Variants in TSC2 observed in about 807,000 individuals in gnomAD.
The protein encoded by TSC2 is TSC complex subunit 2.
TSC2 carries 29 observed loss-of-function variants against 202.2 expected under a neutral mutation model. The ratio of observed to expected loss-of-function variants is 0.14; its 90% CI spans 0.11 to 0.20. The LOEUF (loss-of-function observed/expected upper bound fraction) is 0.20, where lower values mean the gene tolerates loss of function less well. Ranked by LOEUF, TSC2 falls within the 10% of genes least tolerant of loss-of-function variation. The pLI is 1.00. For synonymous variants in TSC2, 1,349 were observed against 1,044.0 expected, an observed-to-expected ratio of 1.29 and a Z score of -5.63; for missense variants, 2,429 against 2,420.0, an observed-to-expected ratio of 1.00 and a Z score of -0.08.
rs397515261 is a variant in TSC2, at chr16:2,062,994, C to T, written c.1384C>T (p.Arg462Cys). 11 of 1,551,200 alleles carry T rather than the reference C, an allele frequency of 7.1e-6. No individual in the cohort carries two copies. The highest frequency in any genetic ancestry group is 1.7e-4 in the Middle Eastern group (1 of 5,890). Residue 462 changes from arginine (R) to cysteine (C), a missense_variant, in exon 14 of 42, where the codon CGC (arginine) becomes TGC (cysteine). Coordinates refer to ENST00000219476, the MANE Select transcript of TSC2 (RefSeq NM_000548.5). ...FFRSESRGAV[R>C]IKVLDVLSFV... Reference sequence around the variant, plus strand: ...CAGGAGCGAGTCCCGAGGCGCCGTGCGCATCAAGGTGCTGGACGTGCTGTC... The same window carrying T: ...CAGGAGCGAGTCCCGAGGCGCCGTGTGCATCAAGGTGCTGGACGTGCTGTC...
At position 2,077,847 on chromosome 16, in the gene TSC2, C is replaced by G. The variant is rs74002771; in HGVS notation, c.2966+121C>G. ...TCTGCCCGTGTCCTCCCTGGCCAGC[C>G]CAGGGGGAGCCGGTGACGAGGGGTG... is the stretch of plus-strand genomic sequence containing the variant. On this transcript the variant is annotated intron_variant, in intron 26 of 41. Coordinates refer to ENST00000219476, the MANE Select transcript of TSC2 (RefSeq NM_000548.5). 0.01 allele frequency: 15,712 copies of G among 1,528,420 alleles called. 1,361 individuals carry two copies. The African/African-American group carries it at 0.18, about 18-fold the overall frequency. The allele number at this position is 1,528,420 out of a possible 1,614,324, so 94.7% of individuals were successfully genotyped here.
At position 2,074,196 on chromosome 16, in the gene TSC2, G is replaced by A. The variant is rs201156748; in HGVS notation, c.2356-4G>A. On this transcript the variant is annotated splice_region_variant and splice_polypyrimidine_tract_variant and intron_variant, in intron 21 of 41. Transcript: ENST00000219476. Reference sequence around the variant, plus strand: ...TGGGGCCTGAGGTGTCCTGTCTCCTGCAGCGCGAGATGGTCTACTGCCTGG... The same window carrying A: ...TGGGGCCTGAGGTGTCCTGTCTCCTACAGCGCGAGATGGTCTACTGCCTGG... The A allele has an allele frequency of 4.3e-6, 7 of 1,610,718 alleles. No homozygotes were observed. Among genetic ancestry groups the A allele is most frequent in the Non-Finnish European group, 5.9e-6 (7 of 1,179,894 alleles).
intron 7 of TSC2, 65 bp downstream of exon 7, chr16:2,056,309 G>T: frequency 6.2e-7 from 1 of 1,604,234 alleles, no homozygotes. Context: ...TGGGGCTTGG[G>T]GGTTGAGCCC....
intron 17 of TSC2, 99 bp from the exon 18 acceptor site, chr16:2,071,411 G>C: frequency 8.0e-7 from 1 of 1,255,356 alleles, no homozygotes; most frequent in Non-Finnish European, 1.1e-6. Context: ...CCTTTTCTGA[G>C]TGCCTGTGGT....
chr16:2,050,607 T>C (rs888259554), intron 3 of TSC2, 121 bp downstream of exon 3: 8 of 817,206 alleles, frequency 9.8e-6, no homozygotes, highest in Middle Eastern at 2.3e-4. Flanking sequence ...ACTTTTTTTT[T>C]TTTTTTTTTT....
intron 2 of TSC2, among the ~76,000 whole-genome samples, chr16:2,049,755 C>T (rs2084861984): frequency 6.6e-6 from 1 of 151,256 alleles, no homozygotes; most frequent in East Asian, 2.0e-4. Flanking sequence ...ACCCGGGAGG[C>T]GGAGGTTTCA....
At position 2,071,544 on chromosome 16, in the gene TSC2, C is replaced by T. The variant is rs368285556; in HGVS notation, c.1874C>T (p.Ser625Leu). ...TTCCTGTTGCTGCTGCGGGCCGACT[C>T]ACTGCACCGCCTGGGCCTGCCCAAC... ...FDFLLLLRAD[S>L]LHRLGLPNKD... Residue 625 changes from serine (S) to leucine (L), a missense_variant, in exon 18 of 42, where the codon TCA becomes TTA. Coordinates refer to ENST00000219476, the MANE Select transcript of TSC2 (RefSeq NM_000548.5). The T allele has an allele frequency of 8.1e-6, 13 of 1,613,596 alleles. No individual in the cohort carries two copies. In the African/African-American group the frequency reaches 1.6e-4, roughly 20 times the overall value.
In TSC2 at chr16:2,089,224, G is replaced by A. The variant is rs1191477301; in HGVS notation, c.*614G>A. The A allele has an allele frequency of 1.2e-5, 2 of 172,770 alleles. No individual in the cohort carries two copies. Among genetic ancestry groups the A allele is most frequent in the Non-Finnish European group, 2.5e-5 (2 of 80,578 alleles). The allele number at this position is 172,770 out of a possible 1,614,324, so 10.7% of individuals were successfully genotyped here. The stretch of plus-strand genomic sequence containing the variant: ...GCCAGCTCTGGGCGCAGGCCCCTCA[G>A]CCCTAGTGAAAATAGTGACATACAA... On this transcript the variant is annotated 3_prime_UTR_variant, in exon 42 of 42. Transcript: ENST00000219476.
In TSC2 at chr16:2,049,637, C is replaced by T. The variant is rs1239707222; in HGVS notation, c.139-763C>T. ...GTCAGGAGTTTGAGACCAGCCTGGCCAACATGGCGAAACCCCGTCTCTACT... is the reference window on the plus strand; with the variant it reads ...GTCAGGAGTTTGAGACCAGCCTGGCTAACATGGCGAAACCCCGTCTCTACT... On this transcript the variant is annotated intron_variant, in intron 2 of 41. Coordinates refer to ENST00000219476, the MANE Select transcript of TSC2 (RefSeq NM_000548.5). 6.6e-5 allele frequency among the ~76,000 whole-genome samples: 10 copies of T among 151,722 alleles called. No individual in the cohort carries two copies. In the East Asian group the frequency reaches 2.0e-3, roughly 31 times the overall value.
In TSC2 at chr16:2,070,495, G is replaced by C. The variant is rs779425782; in HGVS notation, c.1756G>C (p.Val586Leu). The C allele has an allele frequency of 1.2e-6, 2 of 1,613,436 alleles. No homozygotes were observed. Among genetic ancestry groups the C allele is most frequent in the Admixed American group, 3.3e-5 (2 of 60,028 alleles). ...YTLPASHATR[V>L]YEMLVSHIQL... ...CCTGCCTGCAAGCCACGCCACGCGTGTGTATGAGATGCTGGTCAGCCACAT... is the reference window on the plus strand; with the variant it reads ...CCTGCCTGCAAGCCACGCCACGCGTCTGTATGAGATGCTGGTCAGCCACAT... Residue 586 changes from valine to leucine, a missense_variant, in exon 17 of 42, where the codon GTG (valine) becomes CTG (leucine). Physicochemically the swap from Val to Leu is conservative, Grantham distance 32. Transcript: ENST00000219476.
intron 32 of TSC2, 26 bp from the exon 33 acceptor site, chr16:2,083,669 C>T (rs368168472): frequency 7.2e-5 from 113 of 1,564,798 alleles, no homozygotes; most frequent in Non-Finnish European, 9.3e-5. Context: ...GCCCCACATC[C>T]AGCAGCCCCG....
At chr16:2,053,873 C>G (rs187262605) in intron 4 of TSC2, 1 of 471,496 alleles carries the variant, frequency 2.1e-6, no homozygotes, top group Non-Finnish European at 4.2e-6. Flanking sequence ...TCCTGCCTCC[C>G]CTGGTCGGCC....
rs1318587547 is a variant in TSC2, at chr16:2,083,685, G to A, written c.3884-10G>A. On this transcript the variant is annotated splice_polypyrimidine_tract_variant and intron_variant, in intron 32 of 41. Transcript: ENST00000219476. Reference sequence around the variant, plus strand: ...CCCCACATCCAGCAGCCCCGTCTGTGTCCTCCCAGACTCCGCCGTGGTCAT... The same window carrying A: ...CCCCACATCCAGCAGCCCCGTCTGTATCCTCCCAGACTCCGCCGTGGTCAT... 3.2e-6 allele frequency: 5 copies of A among 1,574,864 alleles called. No homozygotes were observed. Among genetic ancestry groups the A allele is most frequent in the Non-Finnish European group, 3.4e-6 (4 of 1,160,690 alleles).
chr16:2,059,589 G>T (rs2086377558), intron 10 of TSC2, among the ~76,000 whole-genome samples: 1 of 144,324 alleles, frequency 6.9e-6, no homozygotes, highest in Non-Finnish European at 1.5e-5. Context: ...GCGCGATCTT[G>T]GCTCAGCGCA....
rs777537606 is a variant in TSC2 at position 2,082,235 on chromosome 16, G to A, written c.3815-201G>A. ...CAGATGGCACTTAGCGGCCTAGGAC[G>A]TCTATTCACGGGAGGAGGGAGGCAC... On this transcript the variant is annotated intron_variant, in intron 31 of 41. Coordinates refer to ENST00000219476, the MANE Select transcript of TSC2 (RefSeq NM_000548.5). 490 of 633,590 alleles carry A rather than the reference G, an allele frequency of 7.7e-4. 5 individuals carry two copies. The highest frequency in any genetic ancestry group is 3.4e-4 in the Admixed American group (13 of 37,702). The allele number at this position is 633,590 out of a possible 1,614,324, so 39.2% of individuals were successfully genotyped here.
intron 26 of TSC2, chr16:2,078,273 C>G (rs1349031892): frequency 1.2e-5 from 2 of 166,450 alleles, no homozygotes; most frequent in African/African-American, 2.4e-5. Context: ...GGTGTGGGCT[C>G]TCGGGCTCTC....
At position 2,088,485 on chromosome 16, in the gene TSC2, C is replaced by G. The variant is rs1051758; in HGVS notation, c.5299C>G (p.Leu1767Val). 7.4e-6 allele frequency: 12 copies of G among 1,612,930 alleles called. No individual in the cohort carries two copies. Among genetic ancestry groups the G allele is most frequent in the Middle Eastern group, 3.3e-4 (2 of 6,062 alleles). The change falls in exon 42 of 42, where the codon CTG (leucine) becomes GTG (valine). Residue 1767 changes from leucine (L) to valine (V), a missense_variant. Leu to Val is a conservative substitution (Grantham distance 32). Coordinates refer to ENST00000219476, the MANE Select transcript of TSC2 (RefSeq NM_000548.5). ...EAAYSNPSLP[L>V]VHPPSHSKAP... The stretch of plus-strand genomic sequence containing the variant: ...CGCCTACTCCAACCCCAGCCTACCT[C>G]TGGTGCACCCTCCGTCCCATAGCAA...
At position 2,084,718 on chromosome 16, in the gene TSC2, G is replaced by C; in HGVS notation, c.4493+3G>C. The C allele has an allele frequency of 1.3e-6, 2 of 1,598,460 alleles. No individual in the cohort carries two copies. The highest frequency in any genetic ancestry group is 1.7e-6 in the Non-Finnish European group (2 of 1,179,852). ...AAAGTGCCAGGCATCAACCCCAGGT[G>C]GGCCTCTTGCTTCCGGGCGGGGCTC... On this transcript the variant is annotated splice_donor_region_variant and intron_variant, in intron 34 of 41. Coordinates refer to ENST00000219476, the MANE Select transcript of TSC2 (RefSeq NM_000548.5).
intron 2 of TSC2, 102 bp downstream of exon 2, chr16:2,048,855 GTC>G: frequency 1.3e-6 from 2 of 1,521,886 alleles, no homozygotes; most frequent in Admixed American, 3.4e-5. Flanking sequence ...GCTGGCAACT[GTC>G]TACACAGGAA....
Sources: gnomAD v4.1 joint callset for allele counts (sites outside exome capture counted in the v4.1 genomes callset) on GRCh38, gnomAD v4.1.1 for gene constraint, MANE v1.5 for transcripts, NCBI Gene and HGNC (gene_info 2026-07-23, HGNC 2026-07-21) for gene names.